SLC17A6: variants seen among roughly 807,000 people sequenced by gnomAD.
The protein encoded by SLC17A6 is solute carrier family 17 member 6.
A neutral mutation model predicts 67.1 loss-of-function variants in SLC17A6; 35 were observed. That is an observed-to-expected ratio of 0.52 (90% CI 0.40 to 0.69). The LOEUF is 0.69. Ranked by LOEUF, SLC17A6 falls within the 30% of genes least tolerant of loss-of-function variation. The pLI is 0.00. For missense variants in SLC17A6, 588 were observed against 723.9 expected, an observed-to-expected ratio of 0.81 and a Z score of 2.15; for synonymous variants, 285 against 252.3, an observed-to-expected ratio of 1.13 and a Z score of -1.23.
intron 3 of SLC17A6, among the ~76,000 whole-genome samples, chr11:22,351,271 G>A (rs1478312407): frequency 1.3e-5 from 2 of 152,076 alleles, no homozygotes; most frequent in Non-Finnish European, 2.9e-5. Context: ...AGGGATACAT[G>A]TACAGGCTTG....
chr11:22,358,900 C>A (rs146365446), intron 3 of SLC17A6, among the ~76,000 whole-genome samples: 1 of 152,262 alleles, frequency 6.6e-6, no homozygotes, highest in Non-Finnish European at 1.5e-5. Flanking sequence ...TATAAAATTT[C>A]TCTGTATGTG....
At position 22,343,248 on chromosome 11, in the gene SLC17A6, A is replaced by G. The variant is rs770471522; in HGVS notation, c.341A>G (p.Lys114Arg). ...IHRGGKVIKE[K>R]AKFNWDPETV... ...CACTTTTTTCCTACCCCTCCATAGA[A>G]AGCCAAATTCAACTGGGACCCGGAA... The change falls in exon 3 of 12, where the codon AAA (lysine) becomes AGA (arginine). Residue 114 changes from lysine to arginine, a missense_variant and splice_region_variant. By Grantham distance (26) the Lys-to-Arg change is conservative. Coordinates refer to ENST00000263160, the MANE Select transcript of SLC17A6 (RefSeq NM_020346.3). 6.2e-7 allele frequency: 1 copy of G among 1,613,510 alleles called. No homozygotes were observed. Among genetic ancestry groups the G allele is most frequent in the Non-Finnish European group, 8.5e-7 (1 of 1,179,740 alleles).
chr11:22,376,699 T>C (rs1049586399), intron 11 of SLC17A6, 27 bp downstream of exon 11: 15 of 1,611,338 alleles, frequency 9.3e-6, no homozygotes, highest in African/African-American at 1.3e-5. Flanking sequence ...AGATGTTTAG[T>C]CATAGAAGAC....
At chr11:22,348,569 G>A (rs1219292318) in intron 3 of SLC17A6, among the ~76,000 whole-genome samples, 3 of 152,306 alleles carry the variant, frequency 2.0e-5, no homozygotes, top group African/African-American at 7.2e-5. Context: ...CACCTTGTCA[G>A]TTTGGGCTCT....
At chr11:22,340,524 A>G (rs1430312221) in intron 1 of SLC17A6, among the ~76,000 whole-genome samples, 1 of 152,194 alleles carries the variant, frequency 6.6e-6, no homozygotes, top group Non-Finnish European at 1.5e-5. Flanking sequence ...CAAATATTTA[A>G]GTGAGATCTT....
chr11:22,356,923 A>G (rs893515414), intron 3 of SLC17A6, among the ~76,000 whole-genome samples: 8 of 152,236 alleles, frequency 5.3e-5, no homozygotes, highest in African/African-American at 1.9e-4. Flanking sequence ...ATGAAAAGTA[A>G]ACATTAAAAG....
intron 8 of SLC17A6, among the ~76,000 whole-genome samples, chr11:22,371,802 A>C (rs1856177969): frequency 6.6e-6 from 1 of 152,120 alleles, no homozygotes; most frequent in Non-Finnish European, 1.5e-5. Flanking sequence ...AAATTCACAC[A>C]CACAGATTGG....
Position 22,347,257 on chromosome 11 carries a change from A to G in SLC17A6, c.458+3892A>G, listed in dbSNP as rs547707102. On this transcript the variant is annotated intron_variant, in intron 3 of 11. Transcript: ENST00000263160. ...GTGTTTGGGGATTAAAAAAAAAAGC[A>G]GTAAGATTTAGGCTCTAAAGCCAAA... 5.3e-5 allele frequency among the ~76,000 whole-genome samples: 8 copies of G among 152,186 alleles called. No individual in the cohort carries two copies. In the South Asian group the frequency reaches 1.7e-3, roughly 32 times the overall value.
chr11:22,374,161 T>G (rs1191511635), intron 8 of SLC17A6, among the ~76,000 whole-genome samples: 2 of 152,172 alleles, frequency 1.3e-5, no homozygotes, highest in Non-Finnish European at 2.9e-5. Flanking sequence ...TTAGGCTATT[T>G]AGCATGAAAT....
At chr11:22,354,242 C>T (rs1031300771) in intron 3 of SLC17A6, among the ~76,000 whole-genome samples, 16 of 152,024 alleles carry the variant, frequency 1.1e-4, no homozygotes, top group African/African-American at 3.1e-4. Flanking sequence ...CACCGCCACA[C>T]GCAGCTAATT....
chr11:22,369,082 T>G (rs11026535), intron 7 of SLC17A6, among the ~76,000 whole-genome samples: 59,214 of 151,494 alleles, frequency 0.39, 11,602 homozygotes, highest in Admixed American at 0.43. Flanking sequence ...AGTAATTTAG[T>G]TAGGTCAAGG....
At chr11:22,363,933 T>C (rs1856080003) in intron 6 of SLC17A6, among the ~76,000 whole-genome samples, 1 of 152,198 alleles carries the variant, frequency 6.6e-6, no homozygotes, top group African/African-American at 2.4e-5. Flanking sequence ...TTAAATACTA[T>C]GTTTTGTGTC....
intron 6 of SLC17A6, among the ~76,000 whole-genome samples, 192 bp downstream of exon 6, chr11:22,363,017 C>A (rs1303224794): frequency 4.6e-5 from 7 of 152,100 alleles, no homozygotes; most frequent in Non-Finnish European, 1.0e-4. Flanking sequence ...TCTTAGATTG[C>A]TATTTCTTGT....
chr11:22,341,337 G>A (rs1185381624), intron 1 of SLC17A6, among the ~76,000 whole-genome samples, 191 bp from the exon 2 acceptor site: 2 of 152,160 alleles, frequency 1.3e-5, no homozygotes, highest in African/African-American at 2.4e-5. Context: ...GCGGCCAAGG[G>A]CACCTGCAGA....
Position 22,379,468 on chromosome 11 carries a change from G to C in SLC17A6, c.*1728G>C, listed in dbSNP as rs957402046. 5 of 150,828 alleles carry C rather than the reference G, an allele frequency of 3.3e-5. No individual in the cohort carries two copies. The highest frequency in any genetic ancestry group is 5.9e-5 in the Non-Finnish European group (4 of 67,752). The allele number at this position is 150,828 out of a possible 1,614,324, so 9.3% of individuals were successfully genotyped here. ...TGTCATTTTGTTGCAGCAAAAAAGT[G>C]TTAATAAAATGCTCTATTTATCCTT... On this transcript the variant is annotated 3_prime_UTR_variant, in exon 12 of 12. Transcript: ENST00000263160.
At chr11:22,339,221 AAGAG>A (rs1225501904) in intron 1 of SLC17A6, among the ~76,000 whole-genome samples, 1 of 144,936 alleles carries the variant, frequency 6.9e-6, no homozygotes, top group Non-Finnish European at 1.5e-5. Flanking sequence ...GAGAGAGAGA[AAGAG>A]AGAGGTCTCA....
At chr11:22,352,596 T>C (rs66515719) in intron 3 of SLC17A6, among the ~76,000 whole-genome samples, 18,716 of 152,148 alleles carry the variant, frequency 0.12, 1,205 homozygotes, top group African/African-American at 0.15. Flanking sequence ...GCTAGCACCA[T>C]GGAGTTTAAA....
At chr11:22,375,515 T>A (rs1410663106) in intron 9 of SLC17A6, among the ~76,000 whole-genome samples, 2 of 152,086 alleles carry the variant, frequency 1.3e-5, no homozygotes, top group Admixed American at 1.3e-4. Flanking sequence ...AGTTTCACTC[T>A]TGTTGCCCAG....
intron 11 of SLC17A6, 102 bp from the exon 12 acceptor site, chr11:22,377,303 A>G: frequency 2.9e-6 from 3 of 1,039,800 alleles, no homozygotes; most frequent in African/African-American, 1.6e-5. Flanking sequence ...TTTCCCAAAT[A>G]TAGTGTTTTA....
Sources: allele counts gnomAD v4.1 joint callset (sites outside exome capture counted in the v4.1 genomes callset), GRCh38; gene constraint gnomAD v4.1.1; transcripts MANE v1.5; gene names NCBI Gene and HGNC (gene_info 2026-07-23, HGNC 2026-07-21).